RNLS: variants seen among roughly 807,000 people sequenced by gnomAD.
RNLS encodes the protein renalase, FAD dependent amine oxidase.
Under a neutral mutation model 39.8 loss-of-function variants are expected in RNLS, and 39 were observed. The ratio of observed to expected loss-of-function variants is 0.98; its 90% CI spans 0.76 to 1.28. The LOEUF is 1.28. Among genes scored for constraint, RNLS ranks in the 50% most tolerant of loss-of-function variants. RNLS has a pLI of 0.00. For synonymous variants in RNLS, 147 were observed against 150.7 expected (o/e 0.98, Z 0.18); for missense variants, 410 against 413.3 (o/e 0.99, Z 0.07).
chr10:88,197,246 TTAAA>T, the RNLS span, among the ~76,000 whole-genome samples: 1 of 152,232 alleles, frequency 6.6e-6, no homozygotes, highest in East Asian at 1.9e-4. Context: ...ATAGTAAGTG[TTAAA>T]TAAATAATTG....
At chr10:88,529,422 CA>C (rs1847292874) in intron 4 of RNLS, among the ~76,000 whole-genome samples, 2 of 152,190 alleles carry the variant, frequency 1.3e-5, no homozygotes, top group South Asian at 4.1e-4. Context: ...ATATCAGTAA[CA>C]AAAGTGGTTT....
At chr10:88,424,082 C>T (rs1854567029) in intron 4 of RNLS, among the ~76,000 whole-genome samples, 1 of 152,164 alleles carries the variant, frequency 6.6e-6, no homozygotes, top group African/African-American at 2.4e-5. Flanking sequence ...CCCTTCATGG[C>T]TTTGATTACC....
At chr10:88,250,777 G>C in the RNLS span, among the ~76,000 whole-genome samples, 1 of 152,186 alleles carries the variant, frequency 6.6e-6, no homozygotes. Flanking sequence ...GCCTGGCAAG[G>C]ATCCACAGAT....
chr10:88,330,166 T>C (rs1847010300), intron 5 of RNLS, among the ~76,000 whole-genome samples: 1 of 149,632 alleles, frequency 6.7e-6, no homozygotes, highest in Non-Finnish European at 1.5e-5. Context: ...TATATATATT[T>C]CTTTATATAT....
intron 4 of RNLS, among the ~76,000 whole-genome samples, chr10:88,570,971 TTTTTTTTTTTTTG>T (rs1564910157): frequency 2.0e-5 from 3 of 147,024 alleles, no homozygotes; most frequent in Admixed American, 6.7e-5. Context: ...TTCTTTTTTT[TTTTTTTTTTTTTG>T]GTTTGTTTTT....
the RNLS span, among the ~76,000 whole-genome samples, chr10:88,177,186 T>G: frequency 6.6e-6 from 1 of 152,212 alleles, no homozygotes; most frequent in Non-Finnish European, 1.5e-5. Context: ...TGACTTTGCC[T>G]ATCCTTTCTT....
intron 4 of RNLS, among the ~76,000 whole-genome samples, chr10:88,492,421 C>CTTT (rs35806120): frequency 7.6e-5 from 10 of 131,992 alleles, no homozygotes; most frequent in South Asian, 4.7e-4. Context: ...TTTTCTTTTT[C>CTTT]TTTTTTTTTT....
At chr10:88,547,797 G>A (rs2134317011) in intron 4 of RNLS, among the ~76,000 whole-genome samples, 1 of 152,184 alleles carries the variant, frequency 6.6e-6, no homozygotes, top group Admixed American at 6.5e-5. Flanking sequence ...ACAAAATAAT[G>A]ATAAATTGGT....
At chr10:88,502,484 C>T (rs1207571864) in intron 4 of RNLS, among the ~76,000 whole-genome samples, 1 of 152,148 alleles carries the variant, frequency 6.6e-6, no homozygotes, top group Admixed American at 6.6e-5. Context: ...TTGCACAGGG[C>T]TGCTCCTCTT....
chr10:88,480,371 T>G (rs1342196037), intron 4 of RNLS, among the ~76,000 whole-genome samples: 1 of 152,264 alleles, frequency 6.6e-6, no homozygotes, highest in Middle Eastern at 3.2e-3. Flanking sequence ...TATAAGATCA[T>G]AAGTCAAGTT....
At chr10:88,582,404 A>G in intron 1 of RNLS, 97 bp from the exon 2 acceptor site, 1 of 902,470 alleles carries the variant, frequency 1.1e-6, no homozygotes, top group Non-Finnish European at 1.7e-6. Context: ...ATTACTTCAA[A>G]AATATCTTAA....
chr10:88,525,833 C>T (rs1268750890), intron 4 of RNLS, among the ~76,000 whole-genome samples: 4 of 152,056 alleles, frequency 2.6e-5, no homozygotes, highest in Non-Finnish European at 4.4e-5. Flanking sequence ...GTATTTATAA[C>T]ATTAAATCAC....
chr10:88,402,751 G>A (rs899794039), intron 4 of RNLS, among the ~76,000 whole-genome samples: 1 of 151,842 alleles, frequency 6.6e-6, no homozygotes, highest in Non-Finnish European at 1.5e-5. Context: ...CTGAGTTCCT[G>A]CACCGTTACT....
At chr10:88,186,473 C>T in the RNLS span, among the ~76,000 whole-genome samples, 4 of 152,212 alleles carry the variant, frequency 2.6e-5, no homozygotes, top group East Asian at 3.9e-4. Flanking sequence ...GTTCATCTCT[C>T]GCCTCTCTGT....
At chr10:88,210,648 C>T in the RNLS span, among the ~76,000 whole-genome samples, 1 of 152,066 alleles carries the variant, frequency 6.6e-6, no homozygotes, top group Non-Finnish European at 1.5e-5. Context: ...CTTTTTGAAT[C>T]TTAAGGACTA....
intron 4 of RNLS, among the ~76,000 whole-genome samples, chr10:88,403,134 C>T (rs78312732): frequency 2.0e-5 from 3 of 151,870 alleles, no homozygotes; most frequent in East Asian, 3.9e-4. Context: ...AAAAATAATC[C>T]CTGGTTTCTT....
At chr10:88,181,033 T>G in the RNLS span, among the ~76,000 whole-genome samples, 2 of 152,176 alleles carry the variant, frequency 1.3e-5, no homozygotes, top group African/African-American at 4.8e-5. Context: ...CTGGAATCTG[T>G]GAATATGTTA....
chr10:88,475,769 A>G (rs1843786353), intron 4 of RNLS, among the ~76,000 whole-genome samples: 1 of 152,144 alleles, frequency 6.6e-6, no homozygotes, highest in Non-Finnish European at 1.5e-5. Context: ...TAAAATTTTT[A>G]ATTAAGAAAA....
At chr10:88,202,764 G>A in the RNLS span, among the ~76,000 whole-genome samples, 1 of 152,166 alleles carries the variant, frequency 6.6e-6, no homozygotes, top group Non-Finnish European at 1.5e-5. Context: ...GCCTCTTGAC[G>A]GGGCGCCCTG....
Sources: allele counts gnomAD v4.1 joint callset (sites outside exome capture counted in the v4.1 genomes callset), GRCh38; gene constraint gnomAD v4.1.1; transcripts MANE v1.5; gene names NCBI Gene and HGNC (gene_info 2026-07-23, HGNC 2026-07-21).